Variants in TEX2 observed in about 807,000 individuals in gnomAD.
TEX2 encodes testis-expressed protein 2.
Under a neutral mutation model 106.9 loss-of-function variants are expected in TEX2, and 53 were observed. The observed-to-expected ratio is 0.50, with a 90% CI of 0.40 to 0.62. The LOEUF (loss-of-function observed/expected upper bound fraction) is 0.62, where lower values mean the gene tolerates loss of function less well. TEX2 is among the 20% of genes least tolerant of loss of function. The pLI is 0.00. For synonymous variants in TEX2, 523 were observed against 534.8 expected (o/e 0.98, Z 0.30); for missense variants, 1,207 against 1,379.0 (o/e 0.88, Z 1.98).
At position 64,194,959 on chromosome 17, in the gene TEX2, T is replaced by C. The variant is rs770941487; in HGVS notation, c.1781A>G (p.Tyr594Cys). The change falls in exon 3 of 12, where the codon TAC (tyrosine) becomes TGC (cysteine). Residue 594 changes from tyrosine to cysteine, a missense_variant. Tyr to Cys is a radical substitution (Grantham distance 194, BLOSUM62 -2). This residue lies in a region of TEX2 where 1,067 missense variants were observed against 1,193.6 expected (regional missense o/e 0.89). Coordinates refer to ENST00000584379, the MANE Select transcript of TEX2 (RefSeq NM_001288732.2). ...GGTGACCTCTGGCTTGGGTTCATTGTAGCTGGCCCTCCTGGATATATTTTT... is the reference window on the plus strand; with the variant it reads ...GGTGACCTCTGGCTTGGGTTCATTGCAGCTGGCCCTCCTGGATATATTTTT... ...PNKNISRRAS[Y>C]NEPKPEVTYI... 6.2e-7 allele frequency: 1 copy of C among 1,614,200 alleles called. No homozygotes were observed. Among genetic ancestry groups the C allele is most frequent in the Non-Finnish European group, 8.5e-7 (1 of 1,180,006 alleles).
chr17:64,245,938 T>C (rs1308737890), intron 1 of TEX2, among the ~76,000 whole-genome samples: 2 of 152,338 alleles, frequency 1.3e-5, no homozygotes, highest in East Asian at 3.9e-4. Context: ...TACCAACAGC[T>C]TGCATTACTT....
At chr17:64,244,891 T>C (rs2033958862) in intron 1 of TEX2, among the ~76,000 whole-genome samples, 1 of 152,206 alleles carries the variant, frequency 6.6e-6, no homozygotes, top group African/African-American at 2.4e-5. Context: ...TGATCACATA[T>C]CTGTTTCTAC....
intron 5 of TEX2, among the ~76,000 whole-genome samples, chr17:64,186,304 C>T (rs919438195): frequency 1.3e-5 from 2 of 151,982 alleles, no homozygotes; most frequent in African/African-American, 2.4e-5. Context: ...TTTTATATCA[C>T]CCCACTCTTG....
chr17:64,171,024 C>T (rs2031368680), intron 7 of TEX2, 76 bp downstream of exon 7: 2 of 1,216,634 alleles, frequency 1.6e-6, no homozygotes, highest in Admixed American at 1.8e-5. Flanking sequence ...ACCCTCCAAA[C>T]ACAAAGCCAT....
At chr17:64,175,328 T>C (rs2031577035) in intron 6 of TEX2, among the ~76,000 whole-genome samples, 1 of 152,222 alleles carries the variant, frequency 6.6e-6, no homozygotes, top group Non-Finnish European at 1.5e-5. Context: ...TGCCCACCTC[T>C]AGCCTCTGGC....
chr17:64,183,068 G>A (rs1241145212), intron 5 of TEX2, among the ~76,000 whole-genome samples: 1 of 151,966 alleles, frequency 6.6e-6, no homozygotes, highest in Non-Finnish European at 1.5e-5. Context: ...ACTACGCCCG[G>A]CTAATTTTTG....
chr17:64,209,905 C>T (rs184426634), intron 2 of TEX2, among the ~76,000 whole-genome samples: 8 of 152,262 alleles, frequency 5.3e-5, no homozygotes, highest in Admixed American at 3.9e-4. Flanking sequence ...CCCATTCCAT[C>T]GGCACCCTGT....
intron 1 of TEX2, among the ~76,000 whole-genome samples, chr17:64,227,112 G>C (rs1555633972): frequency 6.6e-6 from 1 of 151,908 alleles, no homozygotes; most frequent in African/African-American, 2.4e-5. Context: ...TGTAGTCCCA[G>C]CTACTCGGGA....
intron 1 of TEX2, among the ~76,000 whole-genome samples, chr17:64,236,558 A>G (rs1248154986): frequency 6.6e-5 from 10 of 152,220 alleles, no homozygotes; most frequent in Non-Finnish European, 1.5e-4. Flanking sequence ...TAATTTAAAA[A>G]TAAAGTATAT....
intron 5 of TEX2, 112 bp from the exon 6 acceptor site, chr17:64,177,583 C>A (rs547190759): frequency 4.8e-5 from 53 of 1,100,216 alleles, no homozygotes; most frequent in Admixed American, 3.2e-4. Flanking sequence ...GGAGACCACA[C>A]GAGTCATACT....
At chr17:64,202,128 C>G (rs560860973) in intron 2 of TEX2, among the ~76,000 whole-genome samples, 2 of 152,290 alleles carry the variant, frequency 1.3e-5, no homozygotes, top group South Asian at 2.1e-4. Flanking sequence ...AAGAAAATAA[C>G]CCCAGAAACC....
intron 8 of TEX2, among the ~76,000 whole-genome samples, chr17:64,156,494 T>C (rs975057940): frequency 5.3e-5 from 8 of 152,200 alleles, no homozygotes; most frequent in African/African-American, 1.9e-4. Flanking sequence ...AGGAAATGCT[T>C]ATGTGTATCC....
At chr17:64,222,583 T>C (rs563713725) in intron 1 of TEX2, among the ~76,000 whole-genome samples, 32 of 150,278 alleles carry the variant, frequency 2.1e-4, no homozygotes, top group African/African-American at 7.3e-4. Flanking sequence ...GGCTAGGAGT[T>C]TGAGACCAGC....
chr17:64,222,698 C>T (rs16947578), intron 1 of TEX2, among the ~76,000 whole-genome samples: 4,829 of 152,026 alleles, frequency 0.032, 129 homozygotes, highest in South Asian at 0.1. Flanking sequence ...TACTCTGAAC[C>T]ACTTGTTATG....
At chr17:64,186,298 A>G (rs202207862) in intron 5 of TEX2, among the ~76,000 whole-genome samples, 2 of 138,026 alleles carry the variant, frequency 1.4e-5, no homozygotes, top group South Asian at 2.3e-4. Flanking sequence ...GAAAAGTTTT[A>G]TATCACCCCA....
chr17:64,158,689 C>A (rs894849412), intron 8 of TEX2, among the ~76,000 whole-genome samples: 1 of 152,166 alleles, frequency 6.6e-6, no homozygotes, highest in South Asian at 2.1e-4. Context: ...CAGAGATTCA[C>A]AATGCTCCTA....
chr17:64,250,813 C>T (rs2034075347), intron 1 of TEX2, among the ~76,000 whole-genome samples: 1 of 152,264 alleles, frequency 6.6e-6, no homozygotes, highest in Middle Eastern at 3.4e-3. Flanking sequence ...TCCTAAGTAG[C>T]AGAGACCACA....
At chr17:64,169,476 T>C (rs1025758045) in intron 7 of TEX2, among the ~76,000 whole-genome samples, 1 of 152,200 alleles carries the variant, frequency 6.6e-6, no homozygotes, top group Non-Finnish European at 1.5e-5. Flanking sequence ...CATCAAGGTA[T>C]AGACATAATT....
At position 64,195,326 on chromosome 17, in the gene TEX2, G is replaced by A. The variant is rs2032435549; in HGVS notation, c.1645-231C>T. Among the ~76,000 whole-genome samples, 1 of 152,114 alleles carries A rather than the reference G, an allele frequency of 6.6e-6. No homozygotes were observed. Among genetic ancestry groups the A allele is most frequent in the Middle Eastern group, 3.2e-3 (1 of 316 alleles). On this transcript the variant is annotated intron_variant, in intron 2 of 11. Transcript: ENST00000584379. This position sits in a 1 kb window ranked among gnomAD's most constrained non-coding sequence, Gnocchi z 4.1. Reference sequence around the variant, plus strand: ...CTGGATTTGGAGGAAAAATGGCAATGTTCATTATCCTAAATAAAAGGTTCT... The same window carrying A: ...CTGGATTTGGAGGAAAAATGGCAATATTCATTATCCTAAATAAAAGGTTCT...
Sources: gnomAD v4.1 joint callset for allele counts (sites outside exome capture counted in the v4.1 genomes callset) on GRCh38, gnomAD v4.1.1 for gene constraint, gnomAD v4.1.1 regional missense constraint, Gnocchi (gnomAD v3.1) non-coding constraint, MANE v1.5 for transcripts, NCBI Gene and HGNC (gene_info 2026-07-23, HGNC 2026-07-21) for gene names.